The following BBS9 variants were observed in gnomAD, a reference collection of about 807,000 sequenced individuals.
The protein encoded by BBS9 is Bardet-Biedl syndrome 9.
A neutral mutation model predicts 117.7 loss-of-function variants in BBS9; 89 were observed. The observed-to-expected ratio is 0.76, with a 90% CI of 0.64 to 0.90. BBS9 has a LOEUF of 0.90. Ranked by LOEUF, BBS9 falls within the 40% of genes least tolerant of loss-of-function variation. BBS9 has a pLI of 0.00. For synonymous variants in BBS9, 379 were observed against 370.9 expected, an observed-to-expected ratio of 1.02 and a Z score of -0.25; for missense variants, 982 against 1,042.2, an observed-to-expected ratio of 0.94 and a Z score of 0.80.
At chr7:33,556,209 A>C (rs1237800543) in intron 21 of BBS9, among the ~76,000 whole-genome samples, 1 of 152,172 alleles carries the variant, frequency 6.6e-6, no homozygotes, top group Non-Finnish European at 1.5e-5. Context: ...TATTAACAGG[A>C]AGTGAATTAT....
intron 19 of BBS9, among the ~76,000 whole-genome samples, chr7:33,467,896 T>C (rs1381757747): frequency 1.3e-5 from 2 of 152,164 alleles, no homozygotes; most frequent in East Asian, 3.8e-4. Flanking sequence ...AACACAGTGC[T>C]GAAGCTGAAA....
chr7:33,206,821 C>T (rs1562796042), intron 5 of BBS9, among the ~76,000 whole-genome samples: 1 of 152,048 alleles, frequency 6.6e-6, no homozygotes, highest in African/African-American at 2.4e-5. Flanking sequence ...ACATTTCCAT[C>T]CTAACTATTA....
intron 19 of BBS9, among the ~76,000 whole-genome samples, chr7:33,443,953 T>G (rs995095233): frequency 5.9e-5 from 9 of 152,292 alleles, no homozygotes; most frequent in African/African-American, 1.7e-4. Context: ...TTTGAATTGA[T>G]GAGCTGTTTG....
chr7:33,422,422 C>G (rs1237087154), intron 19 of BBS9, among the ~76,000 whole-genome samples: 13 of 152,158 alleles, frequency 8.5e-5, no homozygotes, highest in Admixed American at 8.5e-4. Context: ...TTTCTAACTT[C>G]TAGCCCATTT....
In BBS9 at chr7:33,151,739, T is replaced by G. The variant is rs151263896; in HGVS notation, c.113-962T>G. ...TAATTTTTTCTATTTTTAGTAGAGA[T>G]AGGGTTTCAACATGTTGGCCAGGCT... On this transcript the variant is annotated intron_variant, in intron 2 of 22. Transcript: ENST00000242067. Among the ~76,000 whole-genome samples the G allele has an allele frequency of 9.5e-3, 1,438 of 151,756 alleles. 9 individuals are homozygous for G. The highest frequency in any genetic ancestry group is 0.016 in the Admixed American group (237 of 15,198).
intron 2 of BBS9, among the ~76,000 whole-genome samples, chr7:33,147,344 C>T (rs554132748): frequency 9.4e-4 from 143 of 152,186 alleles, no homozygotes; most frequent in African/African-American, 3.3e-3. Flanking sequence ...ATATTATCCC[C>T]TTACATTTTT....
At chr7:33,331,395 A>G (rs1814008530) in intron 9 of BBS9, among the ~76,000 whole-genome samples, 3 of 152,210 alleles carry the variant, frequency 2.0e-5, no homozygotes, top group Non-Finnish European at 4.4e-5. Flanking sequence ...CTTTTATTCA[A>G]CATAGTACTG....
chr7:33,511,044 A>G (rs541222829), intron 20 of BBS9, among the ~76,000 whole-genome samples: 59 of 152,324 alleles, frequency 3.9e-4, no homozygotes, highest in African/African-American at 1.3e-3. Flanking sequence ...AAGAGAGGCA[A>G]GAAGCTGGCA....
At chr7:33,154,103 C>T (rs553252474) in intron 3 of BBS9, among the ~76,000 whole-genome samples, 1 of 152,220 alleles carries the variant, frequency 6.6e-6, no homozygotes, top group South Asian at 2.1e-4. Context: ...TGACATCATG[C>T]TCTTTTCCTG....
At chr7:33,481,754 T>C (rs113236767) in intron 19 of BBS9, among the ~76,000 whole-genome samples, 10 of 152,308 alleles carry the variant, frequency 6.6e-5, no homozygotes, top group African/African-American at 2.4e-4. Flanking sequence ...TAGGGGTGAT[T>C]TGTAGAGGAT....
chr7:33,455,919 T>C, intron 19 of BBS9, among the ~76,000 whole-genome samples: 1 of 152,216 alleles, frequency 6.6e-6, no homozygotes, highest in South Asian at 2.1e-4. Flanking sequence ...AGTAAGTCAC[T>C]ATGCCTGCCT....
intron 9 of BBS9, among the ~76,000 whole-genome samples, chr7:33,285,974 A>G (rs1802809013): frequency 6.6e-6 from 1 of 152,050 alleles, no homozygotes; most frequent in Non-Finnish European, 1.5e-5. Context: ...CATAGTAATT[A>G]CAGTTCCAGA....
At chr7:33,202,597 G>A (rs1050219841) in intron 5 of BBS9, among the ~76,000 whole-genome samples, 1 of 152,146 alleles carries the variant, frequency 6.6e-6, no homozygotes, top group African/African-American at 2.4e-5. Context: ...GAGGGTGAAG[G>A]GGAAGCAGGC....
intron 20 of BBS9, among the ~76,000 whole-genome samples, chr7:33,525,260 A>G (rs1585123343): frequency 6.8e-6 from 1 of 146,274 alleles, no homozygotes; most frequent in South Asian, 2.3e-4. Context: ...GATGTCTATT[A>G]GGTCCGCTTG....
At chr7:33,383,011 GTTATTACCACC>G (rs1449261304) in intron 17 of BBS9, among the ~76,000 whole-genome samples, 2 of 152,124 alleles carry the variant, frequency 1.3e-5, no homozygotes, top group African/African-American at 2.4e-5. Context: ...TATCATAGGT[GTTATTACCACC>G]TCTCTTACCA....
At chr7:33,319,913 A>G (rs115519544) in intron 9 of BBS9, among the ~76,000 whole-genome samples, 1 of 152,368 alleles carries the variant, frequency 6.6e-6, no homozygotes, top group South Asian at 2.1e-4. Context: ...ACGAATAGAC[A>G]GTTCTCAAAA....
intron 19 of BBS9, among the ~76,000 whole-genome samples, chr7:33,494,300 C>A (rs1844424912): frequency 1.3e-5 from 2 of 152,014 alleles, no homozygotes; most frequent in Non-Finnish European, 1.5e-5. Flanking sequence ...TTATCTGGCC[C>A]CAAATGTCAT....
intron 21 of BBS9, among the ~76,000 whole-genome samples, chr7:33,571,561 C>A (rs1211266830): frequency 2.0e-5 from 3 of 151,748 alleles, no homozygotes; most frequent in Non-Finnish European, 4.4e-5. Context: ...TATTTTTTTG[C>A]CATATTTCTT....
At chr7:33,189,662 C>G (rs1021312874) in intron 5 of BBS9, among the ~76,000 whole-genome samples, 1 of 149,360 alleles carries the variant, frequency 6.7e-6, no homozygotes, top group African/African-American at 2.5e-5. Flanking sequence ...CTGAGGGGGG[C>G]GGATCACGAG....
Sources: allele counts gnomAD v4.1 joint callset (sites outside exome capture counted in the v4.1 genomes callset), GRCh38; gene constraint gnomAD v4.1.1; transcripts MANE v1.5; gene names NCBI Gene and HGNC (gene_info 2026-07-23, HGNC 2026-07-21).